Variants in BDP1 observed in about 807,000 individuals in gnomAD.
BDP1 encodes the protein transcription factor TFIIIB component B'' homolog.
BDP1 carries 169 observed loss-of-function variants against 266.6 expected under a neutral mutation model. That is an observed-to-expected ratio of 0.63 (90% confidence interval 0.56 to 0.72). The LOEUF (loss-of-function observed/expected upper bound fraction) is 0.72. Ranked by LOEUF, BDP1 falls within the 30% of genes least tolerant of loss-of-function variation. The pLI is 0.00. For missense variants in BDP1, 3,015 were observed against 3,053.8 expected (o/e 0.99, Z 0.30); for synonymous variants, 1,090 against 1,022.4 (o/e 1.07, Z -1.26).
chr5:71,545,226 G>T lies in BDP1; in HGVS notation c.6744+7G>T, dbSNP rs925617521. On this transcript the variant is annotated splice_region_variant and intron_variant, in intron 32 of 38. Coordinates refer to ENST00000358731, the MANE Select transcript of BDP1 (RefSeq NM_018429.3). ...TACACTTCCTGTGCCAGAGGTAAAA[G>T]AATGTACAGTATAATAAGGGATAGC... is the stretch of plus-strand genomic sequence containing the variant. 12 of 1,609,332 alleles carry T rather than the reference G, an allele frequency of 7.5e-6. No individual in the cohort carries two copies. The highest frequency in any genetic ancestry group is 6.7e-5 in the African/African-American group (5 of 74,198).
At chr5:71,499,258 C>T (rs1294484930) in intron 13 of BDP1, among the ~76,000 whole-genome samples, 1 of 152,142 alleles carries the variant, frequency 6.6e-6, no homozygotes, top group East Asian at 1.9e-4. Context: ...CGCCTCTATG[C>T]CCAGCCAATT....
At chr5:71,518,835 C>CTTTT (rs35834219) in intron 22 of BDP1, among the ~76,000 whole-genome samples, 1 of 128,644 alleles carries the variant, frequency 7.8e-6, no homozygotes, top group Non-Finnish European at 1.6e-5. Context: ...GTATGGATTA[C>CTTTT]TTTTTTTTTT....
At chr5:71,469,294 A>G (rs762737580) in intron 6 of BDP1, among the ~76,000 whole-genome samples, 3 of 151,870 alleles carry the variant, frequency 2.0e-5, no homozygotes, top group Non-Finnish European at 4.4e-5. Flanking sequence ...ATATGTCACC[A>G]TGCCCAGCTA....
intron 24 of BDP1, 64 bp downstream of exon 24, chr5:71,523,013 A>G (rs1304324644): frequency 2.1e-6 from 3 of 1,415,450 alleles, no homozygotes; most frequent in Non-Finnish European, 2.8e-6. Context: ...TTTTACCTTA[A>G]CTTACTGGTA....
At chr5:71,516,422 ATT>A in intron 21 of BDP1, 151 bp downstream of exon 21, 1 of 538,272 alleles carries the variant, frequency 1.9e-6, no homozygotes, top group Non-Finnish European at 3.2e-6. Context: ...GCTCTTCTGG[ATT>A]TTTTTTTTAA....
chr5:71,561,564 C>T (rs1244526245), intron 37 of BDP1, among the ~76,000 whole-genome samples: 1 of 152,174 alleles, frequency 6.6e-6, no homozygotes, highest in African/African-American at 2.4e-5. Flanking sequence ...TTCAGCTCTG[C>T]AGTTACAGCA....
chr5:71,480,868 C>G lies in BDP1; in HGVS notation c.1015-2974C>G, dbSNP rs575021812. Among the ~76,000 whole-genome samples the G allele has an allele frequency of 9.6e-4, 146 of 152,248 alleles. 2 individuals are homozygous for G. The highest frequency in any genetic ancestry group is 2.9e-3 in the African/African-American group (121 of 41,570). On this transcript the variant is annotated intron_variant, in intron 7 of 38. Coordinates refer to ENST00000358731, the MANE Select transcript of BDP1 (RefSeq NM_018429.3). The stretch of plus-strand genomic sequence containing the variant: ...AAGTGAACCACCATGCCCGGCCAAC[C>G]GTGAGTTTTTTTGAAATTGCATACT...
intron 4 of BDP1, 129 bp downstream of exon 4, chr5:71,464,246 A>C: frequency 2.5e-5 from 15 of 589,032 alleles, no homozygotes; most frequent in Admixed American, 3.6e-5. Flanking sequence ...CTGTAATCTC[A>C]GCACTTTGCG....
At chr5:71,529,481 A>C (rs1485191129) in intron 25 of BDP1, among the ~76,000 whole-genome samples, 1 of 152,256 alleles carries the variant, frequency 6.6e-6, no homozygotes, top group Non-Finnish European at 1.5e-5. Context: ...AGTTGAGGGC[A>C]GGAGTTCAAG....
rs1468700045 is a variant in BDP1, at chr5:71,455,696, C to T, written c.-182C>T. 6.7e-6 allele frequency: 4 copies of T among 599,932 alleles called. No individual in the cohort carries two copies. In the East Asian group the frequency reaches 8.5e-5, roughly 13 times the overall value. The allele number at this position is 599,932 out of a possible 1,614,324, so 37.2% of individuals were successfully genotyped here. On this transcript the variant is annotated 5_prime_UTR_variant, in exon 1 of 39. Transcript: ENST00000358731. The stretch of plus-strand genomic sequence containing the variant: ...GGTGTGTGGCAGGGTCATGAAAAAG[C>T]GGCGGCGGCGGGAGAGAGGAGGAGG...
At chr5:71,535,763 T>C (rs898508549) in intron 26 of BDP1, among the ~76,000 whole-genome samples, 2 of 152,132 alleles carry the variant, frequency 1.3e-5, no homozygotes, top group African/African-American at 2.4e-5. Flanking sequence ...TTTCTCAGCA[T>C]GCAGCAGCAT....
chr5:71,478,289 T>G (rs909321621), intron 7 of BDP1, among the ~76,000 whole-genome samples: 2 of 151,970 alleles, frequency 1.3e-5, no homozygotes, highest in African/African-American at 2.4e-5. Flanking sequence ...AAAACAGCTC[T>G]CTCTCTCTAC....
chr5:71,485,444 A>G (rs1328941077), intron 8 of BDP1, among the ~76,000 whole-genome samples: 1 of 152,174 alleles, frequency 6.6e-6, no homozygotes, highest in Non-Finnish European at 1.5e-5. Flanking sequence ...TTTCAGAATC[A>G]TTGTGGAGAG....
chr5:71,525,557 C>T (rs1346229766), intron 25 of BDP1, among the ~76,000 whole-genome samples: 1 of 117,262 alleles, frequency 8.5e-6, no homozygotes, highest in East Asian at 2.8e-4. Context: ...CCCCACCTCC[C>T]TCCCGGATGG....
intron 36 of BDP1, 113 bp downstream of exon 36, chr5:71,557,038 A>C (rs1743265064): frequency 3.8e-6 from 2 of 529,872 alleles, no homozygotes; most frequent in Non-Finnish European, 6.3e-6. Context: ...CTCCAAGAGT[A>C]ATACTTGTAT....
At chr5:71,457,852 A>G (rs751878639) in intron 1 of BDP1, among the ~76,000 whole-genome samples, 18 of 152,218 alleles carry the variant, frequency 1.2e-4, no homozygotes, top group Non-Finnish European at 2.5e-4. Context: ...TTATTGACTT[A>G]TACCACCTCT....
intron 34 of BDP1, among the ~76,000 whole-genome samples, chr5:71,551,965 C>T (rs1742810611): frequency 6.7e-6 from 1 of 149,958 alleles, no homozygotes; most frequent in South Asian, 2.1e-4. Flanking sequence ...ACCCCCCCAC[C>T]TCCCTCCCGG....
At chr5:71,496,006 G>A (rs962447866) in intron 12 of BDP1, among the ~76,000 whole-genome samples, 1 of 152,040 alleles carries the variant, frequency 6.6e-6, no homozygotes, top group African/African-American at 2.4e-5. Flanking sequence ...ACTTTGGGAG[G>A]CCGAGGCGGG....
chr5:71,458,031 C>G (rs1761305931), intron 1 of BDP1, among the ~76,000 whole-genome samples: 1 of 152,048 alleles, frequency 6.6e-6, no homozygotes, highest in African/African-American at 2.4e-5. Flanking sequence ...ATTTCTGCCT[C>G]AAAGGGAATT....
Sources: allele counts gnomAD v4.1 joint callset (sites outside exome capture counted in the v4.1 genomes callset), GRCh38; gene constraint gnomAD v4.1.1; transcripts MANE v1.5; gene names NCBI Gene and HGNC (gene_info 2026-07-23, HGNC 2026-07-21).